ANKS1B: variants seen among roughly 807,000 people sequenced by gnomAD.
ANKS1B encodes the protein ankyrin repeat and sterile alpha motif domain-containing protein 1B.
In ANKS1B, 36 loss-of-function variants were observed where a neutral mutation model predicts 148.3. That is an observed-to-expected ratio of 0.24 (90% CI 0.19 to 0.32). The LOEUF (loss-of-function observed/expected upper bound fraction) is 0.32, where lower values mean the gene tolerates loss of function less well. Among genes scored for constraint, ANKS1B ranks in the 10% least tolerant of loss-of-function variants. ANKS1B has a pLI of 1.00. For missense variants in ANKS1B, 1,157 were observed against 1,542.6 expected (o/e 0.75, Z 4.19); for synonymous variants, 542 against 560.8 (o/e 0.97, Z 0.47).
intron 9 of ANKS1B, among the ~76,000 whole-genome samples, chr12:99,556,501 C>G (rs2097277687): frequency 6.6e-6 from 1 of 151,866 alleles, no homozygotes; most frequent in Non-Finnish European, 1.5e-5. Context: ...AATTAGTTTG[C>G]TTTTGTTTTT....
intron 1 of ANKS1B, among the ~76,000 whole-genome samples, chr12:99,944,297 G>A (rs2094998812): frequency 6.6e-6 from 1 of 152,156 alleles, no homozygotes; most frequent in Non-Finnish European, 1.5e-5. Context: ...TATCAACCCT[G>A]AGTTTCCATC....
intron 1 of ANKS1B, among the ~76,000 whole-genome samples, chr12:99,958,224 C>T (rs1603501472): frequency 1.3e-5 from 2 of 152,100 alleles, no homozygotes; most frequent in Middle Eastern, 3.2e-3. Context: ...GCTGAAAACA[C>T]CAAGTACAGG....
chr12:98,957,759 T>C (rs920303452), intron 17 of ANKS1B, among the ~76,000 whole-genome samples: 4 of 152,176 alleles, frequency 2.6e-5, no homozygotes, highest in Non-Finnish European at 5.9e-5. Context: ...TCACTTAGAT[T>C]AATATACATA....
At chr12:99,648,841 G>A in intron 9 of ANKS1B, 1 of 1,547,492 alleles carries the variant, frequency 6.5e-7, no homozygotes, top group East Asian at 2.3e-5. Context: ...GGGAGAGCAG[G>A]TACAGGTCCT....
intron 15 of ANKS1B, among the ~76,000 whole-genome samples, chr12:99,118,851 C>T (rs907494345): frequency 6.6e-6 from 1 of 152,072 alleles, no homozygotes; most frequent in Non-Finnish European, 1.5e-5. Context: ...CAAGGGCTGG[C>T]AGGAGTAACG....
At chr12:99,595,106 A>AGTTTAACT (rs1230631606) in intron 9 of ANKS1B, among the ~76,000 whole-genome samples, 3 of 152,034 alleles carry the variant, frequency 2.0e-5, no homozygotes, top group African/African-American at 7.2e-5. Flanking sequence ...TGAAATAGAG[A>AGTTTAACT]CATAAATACC....
intron 17 of ANKS1B, among the ~76,000 whole-genome samples, chr12:98,915,185 G>A (rs778700307): frequency 8.6e-5 from 13 of 152,008 alleles, no homozygotes; most frequent in Admixed American, 5.2e-4. Flanking sequence ...TATGACTAGC[G>A]TCCTTCTAGA....
chr12:99,006,769 G>A (rs982268108), intron 17 of ANKS1B, among the ~76,000 whole-genome samples: 5 of 152,158 alleles, frequency 3.3e-5, no homozygotes, highest in African/African-American at 1.2e-4. Flanking sequence ...CTAATACTGT[G>A]CTATTATTAC....
At chr12:99,114,701 G>A (rs1212710198) in intron 15 of ANKS1B, among the ~76,000 whole-genome samples, 4 of 151,880 alleles carry the variant, frequency 2.6e-5, no homozygotes, top group Admixed American at 1.3e-4. Flanking sequence ...GCAGTGAGCC[G>A]AGACCGTACC....
In ANKS1B at chr12:98,744,969, A is replaced by G. The variant is rs1003065041; in HGVS notation, c.*770T>C. 5.1e-6 allele frequency: 5 copies of G among 985,720 alleles called. No homozygotes were observed. The African/African-American group carries it at 8.7e-5, about 17-fold the overall frequency. 61.1% of individuals were successfully genotyped at this position (985,720 alleles called of 1,614,324 possible). ...AGCAGTAGAAATTTAATTATTTGAA[A>G]TGAAACCAGAAACATCCCTCGCAAC... On this transcript the variant is annotated 3_prime_UTR_variant, in exon 27 of 27. Coordinates refer to ENST00000683438, the MANE Select transcript of ANKS1B (RefSeq NM_001352186.2).
chr12:98,843,639 T>C (rs1206758842), intron 17 of ANKS1B, among the ~76,000 whole-genome samples: 1 of 152,260 alleles, frequency 6.6e-6, no homozygotes, highest in Non-Finnish European at 1.5e-5. Context: ...TGAAATAGAC[T>C]GGCAGTGTGA....
At chr12:98,794,221 G>A (rs1374508934) in intron 22 of ANKS1B, among the ~76,000 whole-genome samples, 4 of 151,440 alleles carry the variant, frequency 2.6e-5, no homozygotes, top group Non-Finnish European at 4.4e-5. Context: ...GTGAAACCCC[G>A]TCTCTACTAA....
intron 17 of ANKS1B, among the ~76,000 whole-genome samples, chr12:99,028,829 A>G (rs755305579): frequency 2.8e-4 from 43 of 152,330 alleles, no homozygotes; most frequent in Admixed American, 1.2e-3. Context: ...AGCTGCTTTT[A>G]TATGTTACAT....
chr12:99,976,284 G>A lies in ANKS1B; in HGVS notation c.134+7820C>T, dbSNP rs529853510. ...CAGGATCCATGCTCCAAACCTCAGT[G>A]TCATGCAATATTTCCATGTAACTAA... is the stretch of plus-strand genomic sequence containing the variant. On this transcript the variant is annotated intron_variant, in intron 1 of 26. Transcript: ENST00000683438. Among the ~76,000 whole-genome samples, 175 of 152,292 alleles carry A rather than the reference G, an allele frequency of 1.1e-3. 2 individuals carry two copies. Among genetic ancestry groups the A allele is most frequent in the Middle Eastern group, 6.8e-3 (2 of 294 alleles).
intron 17 of ANKS1B, among the ~76,000 whole-genome samples, chr12:98,950,295 G>A (rs1354074994): frequency 4.6e-5 from 7 of 152,230 alleles, no homozygotes; most frequent in South Asian, 2.1e-4. Context: ...TCAGGAGTTC[G>A]AGACCAGCCT....
chr12:99,048,966 T>A (rs1442748020), intron 17 of ANKS1B: 1 of 152,194 alleles, frequency 6.6e-6, no homozygotes, highest in Admixed American at 6.5e-5. Context: ...GTACTGTATA[T>A]AGGTATAAAT....
At position 99,154,633 on chromosome 12, in the gene ANKS1B, A is replaced by G. The variant is rs562443998; in HGVS notation, c.2420-238T>C. On this transcript the variant is annotated intron_variant, in intron 14 of 26. Coordinates refer to ENST00000683438, the MANE Select transcript of ANKS1B (RefSeq NM_001352186.2). ...TTGATCCTAGCTCCACATTTCTTAC[A>G]TATTAATCTTTACTACCGACCAGTA... The G allele has an allele frequency of 1.9e-5, 27 of 1,448,310 alleles. No homozygotes were observed. In the African/African-American group the frequency reaches 3.9e-4, roughly 21 times the overall value. 89.7% of individuals were successfully genotyped at this position (1,448,310 alleles called of 1,614,324 possible).
At chr12:99,910,354 C>CAAAAAAAAAAAAAA (rs57222450) in intron 1 of ANKS1B, among the ~76,000 whole-genome samples, 1 of 51,092 alleles carries the variant, frequency 2.0e-5, no homozygotes, top group Non-Finnish European at 3.4e-5. Flanking sequence ...GACTCCATCT[C>CAAAAAAAAAAAAAA]AAAAAAAAAA....
intron 12 of ANKS1B, among the ~76,000 whole-genome samples, chr12:99,368,320 G>C (rs1003307274): frequency 6.6e-6 from 1 of 151,860 alleles, no homozygotes; most frequent in African/African-American, 2.4e-5. Context: ...TCCCAATCCT[G>C]AGCATTATGC....
Sources: allele counts gnomAD v4.1 joint callset (sites outside exome capture counted in the v4.1 genomes callset), GRCh38; gene constraint gnomAD v4.1.1; transcripts MANE v1.5; gene names NCBI Gene and HGNC (gene_info 2026-07-23, HGNC 2026-07-21).